Variants in TLK2 observed in about 807,000 individuals in gnomAD.
TLK2 encodes the protein tousled like kinase 2.
In TLK2, 6 loss-of-function variants were observed where a neutral mutation model predicts 117.3. The observed-to-expected ratio is 0.05, with a 90% CI of 0.03 to 0.10. TLK2 has a LOEUF of 0.10. TLK2 is among the 10% of genes least tolerant of loss of function. The pLI is 1.00. For synonymous variants in TLK2, 257 were observed against 316.7 expected (o/e 0.81, Z 2.00); for missense variants, 299 against 901.2 (o/e 0.33, Z 8.56).
chr17:62,497,209 A>T (rs1178882939), intron 2 of TLK2, among the ~76,000 whole-genome samples: 1 of 152,134 alleles, frequency 6.6e-6, no homozygotes, highest in Non-Finnish European at 1.5e-5. Flanking sequence ...GGTCAAAGCC[A>T]GAGTGAGTTG....
intron 4 of TLK2, 95 bp from the exon 5 acceptor site, chr17:62,523,039 C>T: frequency 8.0e-7 from 1 of 1,254,600 alleles, no homozygotes; most frequent in Non-Finnish European, 1.1e-6. Context: ...GGGTTTATAG[C>T]AATGTATGTA....
chr17:62,591,473 C>T lies in TLK2; in HGVS notation c.1461-5112C>T, dbSNP rs77620544. On this transcript the variant is annotated intron_variant, in intron 16 of 21. Transcript: ENST00000346027. The stretch of plus-strand genomic sequence containing the variant: ...TTCAAAACATCCAGTCCAGTGGTGC[C>T]GAAACCGAAGCTCAGAGAGGTGGAG... Among the ~76,000 whole-genome samples the T allele has an allele frequency of 2.6e-4, 39 of 151,246 alleles. No individual in the cohort carries two copies. The East Asian group carries it at 3.5e-3, about 13-fold the overall frequency.
intron 2 of TLK2, among the ~76,000 whole-genome samples, chr17:62,514,229 C>T (rs2075382470): frequency 6.6e-6 from 1 of 150,912 alleles, no homozygotes; most frequent in South Asian, 2.1e-4. Flanking sequence ...TTGCAACCTC[C>T]ACCTCCTGGG....
At chr17:62,553,598 A>T (rs2078637962) in intron 8 of TLK2, 65 bp from the exon 9 acceptor site, 2 of 1,108,692 alleles carry the variant, frequency 1.8e-6, no homozygotes, top group Non-Finnish European at 2.7e-6. Flanking sequence ...AGGTAATGAG[A>T]AGAGTGTGAT....
chr17:62,510,509 G>A (rs970646166), intron 2 of TLK2, among the ~76,000 whole-genome samples: 2 of 152,176 alleles, frequency 1.3e-5, no homozygotes, highest in African/African-American at 4.8e-5. Context: ...AGATACCACA[G>A]ACTGTGTGGC....
intron 6 of TLK2, among the ~76,000 whole-genome samples, chr17:62,524,886 G>C (rs1314060162): frequency 6.6e-5 from 10 of 152,172 alleles, no homozygotes; most frequent in Non-Finnish European, 1.5e-5. Context: ...GGTTGTCACT[G>C]CTCGGAGGTA....
At chr17:62,479,542 C>T (rs1435145702) in intron 1 of TLK2, among the ~76,000 whole-genome samples, 1 of 152,038 alleles carries the variant, frequency 6.6e-6, no homozygotes, top group Non-Finnish European at 1.5e-5. Context: ...AGACGGGGGC[C>T]CCCAGGCAGC....
At chr17:62,608,365 A>G (rs1479726621) in intron 21 of TLK2, among the ~76,000 whole-genome samples, 6 of 152,218 alleles carry the variant, frequency 3.9e-5, no homozygotes, top group African/African-American at 1.4e-4. Context: ...GAATGTTGAT[A>G]GGTGGGTGTT....
At chr17:62,539,624 C>T (rs1249951216) in intron 7 of TLK2, among the ~76,000 whole-genome samples, 1 of 152,096 alleles carries the variant, frequency 6.6e-6, no homozygotes, top group East Asian at 1.9e-4. Context: ...GGAGTACAGG[C>T]GTTGGCTACC....
chr17:62,597,394 T>C (rs1232229404), intron 17 of TLK2: 1 of 152,202 alleles, frequency 6.6e-6, no homozygotes, highest in Non-Finnish European at 1.5e-5. Context: ...ACATTTTGCT[T>C]ATAACGGTTT....
intron 6 of TLK2, among the ~76,000 whole-genome samples, chr17:62,532,614 T>G (rs1210363941): frequency 6.6e-6 from 1 of 152,232 alleles, no homozygotes; most frequent in Non-Finnish European, 1.5e-5. Flanking sequence ...TCAGAAATGG[T>G]GAAATAGAAA....
At chr17:62,552,537 C>T in intron 8 of TLK2, 140 bp downstream of exon 8, 2 of 1,414,794 alleles carry the variant, frequency 1.4e-6, no homozygotes, top group Non-Finnish European at 1.9e-6. Flanking sequence ...ATATTCATAA[C>T]TTGCATTATG....
intron 2 of TLK2, among the ~76,000 whole-genome samples, chr17:62,487,631 T>TTC (rs2072587001): frequency 6.8e-6 from 1 of 146,854 alleles, no homozygotes; most frequent in African/African-American, 2.5e-5. Flanking sequence ...TTTTTTTTTT[T>TTC]TTTTTTTTTG....
At chr17:62,508,363 T>G (rs2074889679) in intron 2 of TLK2, 1 of 806,880 alleles carries the variant, frequency 1.2e-6, no homozygotes, top group Non-Finnish European at 1.5e-6. Context: ...AAAGAAGCAT[T>G]TAATGTACAA....
upstream of TLK2, among the ~76,000 whole-genome samples, chr17:62,474,225 C>A (rs2070995361): frequency 6.6e-6 from 1 of 151,334 alleles, no homozygotes; most frequent in Non-Finnish European, 1.5e-5. Context: ...ACTACAGACA[C>A]ACGCTGCCTT....
chr17:62,574,210 A>T, intron 12 of TLK2: 3 of 1,364,184 alleles, frequency 2.2e-6, no homozygotes, highest in Non-Finnish European at 2.9e-6. Flanking sequence ...GGCATCCTAG[A>T]AGTGCATCTT....
At chr17:62,586,270 C>A in intron 16 of TLK2, 44 bp downstream of exon 16, 1 of 1,385,828 alleles carries the variant, frequency 7.2e-7, no homozygotes. Context: ...TTAAATAATA[C>A]CTGTAGTTTG....
At chr17:62,602,321 T>A in intron 19 of TLK2, 141 bp downstream of exon 19, 1 of 749,252 alleles carries the variant, frequency 1.3e-6, no homozygotes, top group Non-Finnish European at 2.0e-6. Flanking sequence ...CCCAAATCAT[T>A]ACTGTCTTTT....
intron 16 of TLK2, among the ~76,000 whole-genome samples, chr17:62,593,545 C>T (rs1388695964): frequency 1.3e-5 from 2 of 151,632 alleles, no homozygotes; most frequent in Non-Finnish European, 2.9e-5. Context: ...TATTTTTAAA[C>T]ATTTTTTGTT....
Sources: gnomAD v4.1 joint callset for allele counts (sites outside exome capture counted in the v4.1 genomes callset) on GRCh38, gnomAD v4.1.1 for gene constraint, MANE v1.5 for transcripts, NCBI Gene and HGNC (gene_info 2026-07-23, HGNC 2026-07-21) for gene names.